The following HSPA14 variants were observed in gnomAD, a reference collection of about 807,000 sequenced individuals.
HSPA14 encodes heat shock 70 kDa protein 14.
Under a neutral mutation model 65.5 loss-of-function variants are expected in HSPA14, and 37 were observed. That is an observed-to-expected ratio of 0.56 (90% CI 0.43 to 0.74). HSPA14 has a LOEUF of 0.74. Among genes scored for constraint, HSPA14 ranks in the 30% least tolerant of loss-of-function variants. HSPA14 has a pLI of 0.00. For missense variants in HSPA14, 564 were observed against 607.6 expected (o/e 0.93, Z 0.75); for synonymous variants, 203 against 214.2 (o/e 0.95, Z 0.46).
Position 14,841,466 on chromosome 10 carries a change from A to G in HSPA14, c.221+1309A>G, listed in dbSNP as rs577802634. Among the ~76,000 whole-genome samples, 5 of 152,298 alleles carry G rather than the reference A, an allele frequency of 3.3e-5. No homozygotes were observed. The South Asian group carries it at 6.2e-4, about 19-fold the overall frequency. ...GAAATAATACAGAGACATCAAACAC[A>G]TTGCTGGATTCACCACCTCTCCCCG... On this transcript the variant is annotated intron_variant, in intron 3 of 13. Transcript: ENST00000378372.
intron 10 of HSPA14, among the ~76,000 whole-genome samples, chr10:14,863,791 G>A (rs969361870): frequency 6.6e-6 from 1 of 152,034 alleles, no homozygotes; most frequent in African/African-American, 2.4e-5. Context: ...TTTGACTCAG[G>A]TGCTTGAACT....
chr10:14,851,374 A>G (rs1834107741), intron 7 of HSPA14, 51 bp downstream of exon 7: 2 of 937,814 alleles, frequency 2.1e-6, no homozygotes, highest in East Asian at 2.4e-5. Flanking sequence ...AAAACATTTT[A>G]GATTATAGAG....
chr10:14,860,886 A>T (rs1289259551), intron 10 of HSPA14, among the ~76,000 whole-genome samples: 1 of 152,130 alleles, frequency 6.6e-6, no homozygotes, highest in African/African-American at 2.4e-5. Context: ...TACAGAAGAG[A>T]TCCCAGGATG....
chr10:14,843,339 T>C (rs1337088676), intron 3 of HSPA14: 1 of 1,550,092 alleles, frequency 6.5e-7, no homozygotes, highest in Non-Finnish European at 8.7e-7. Flanking sequence ...GCAGGAATGT[T>C]CTCTTTGCAA....
In HSPA14 at chr10:14,842,104, T is replaced by C. The variant is rs1833980782; in HGVS notation, c.221+1947T>C. 4 of 1,486,380 alleles carry C rather than the reference T, an allele frequency of 2.7e-6. No homozygotes were observed. In the South Asian group the frequency reaches 4.9e-5, roughly 18 times the overall value. 92.1% of individuals were successfully genotyped at this position (1,486,380 alleles called of 1,614,324 possible). A position where few individuals can be genotyped will look rare whatever the true frequency, so the allele number is the denominator to read the frequency against. ...GCCAAAATTATCCTTACACCCTTCC[T>C]GTAACTCTCATTCCCCTGTGGCCTT... On this transcript the variant is annotated intron_variant, in intron 3 of 13. Coordinates refer to ENST00000378372, the MANE Select transcript of HSPA14 (RefSeq NM_016299.4). This position sits in a 1 kb window ranked among gnomAD's most constrained non-coding sequence, Gnocchi z 5.2.
At position 14,842,333 on chromosome 10, in the gene HSPA14, A is replaced by G. The variant is rs947695249; in HGVS notation, c.221+2176A>G. The G allele has an allele frequency of 5.2e-6, 8 of 1,535,876 alleles. No individual in the cohort carries two copies. Among genetic ancestry groups the G allele is most frequent in the Non-Finnish European group, 7.0e-6 (8 of 1,146,890 alleles). On this transcript the variant is annotated intron_variant, in intron 3 of 13. Transcript: ENST00000378372. The surrounding 1 kb of genome is among the most constrained non-coding windows in gnomAD (Gnocchi z 5.2). ...GGGCATCCGGTGGTCCAGACAGGAG[A>G]CACGAACTCTTCTCTCCATACTAGG...
chr10:14,849,385 T>C, intron 5 of HSPA14: 1 of 496,632 alleles, frequency 2.0e-6, no homozygotes, highest in East Asian at 6.1e-5. Context: ...AGGCTTTAAA[T>C]GTAGAGAACT....
intron 6 of HSPA14, chr10:14,851,010 C>G: frequency 2.2e-6 from 1 of 445,460 alleles, no homozygotes; most frequent in East Asian, 4.1e-5. Flanking sequence ...AGAATATGGG[C>G]TCTGAACATT....
chr10:14,864,415 T>G (rs1195057766), intron 10 of HSPA14, among the ~76,000 whole-genome samples: 13 of 151,982 alleles, frequency 8.6e-5, no homozygotes, highest in Non-Finnish European at 1.6e-4. Context: ...ATGTGCCATG[T>G]TGGTGTGCTC....
At chr10:14,845,634 C>A in intron 3 of HSPA14, 1 of 747,994 alleles carries the variant, frequency 1.3e-6, no homozygotes, top group Non-Finnish European at 1.6e-6. Context: ...CACTGTTTTG[C>A]CCAGGCTGGG....
chr10:14,850,606 C>T (rs773557568), intron 6 of HSPA14: 1 of 152,190 alleles, frequency 6.6e-6, no homozygotes, highest in Non-Finnish European at 1.5e-5. Context: ...AGAGAATTGC[C>T]TTATGTACTT....
intron 7 of HSPA14, 29 bp from the exon 8 acceptor site, chr10:14,852,341 C>A: frequency 6.3e-7 from 1 of 1,589,112 alleles, no homozygotes; most frequent in South Asian, 1.1e-5. Context: ...ATGTTATTCC[C>A]TGATAACTTA....
At chr10:14,866,510 A>G (rs1476925417) in intron 10 of HSPA14, among the ~76,000 whole-genome samples, 1 of 152,230 alleles carries the variant, frequency 6.6e-6, no homozygotes, top group Non-Finnish European at 1.5e-5. Context: ...TAAGGGATTT[A>G]CAGTTTAAGG....
At chr10:14,847,229 CTT>C (rs201157303) in intron 3 of HSPA14, among the ~76,000 whole-genome samples, 2,440 of 152,260 alleles carry the variant, frequency 0.016, 27 homozygotes, top group Non-Finnish European at 0.025. Context: ...GGCAAATTCT[CTT>C]GTCTGGGTGG....
chr10:14,863,470 C>CA (rs1832774384), intron 10 of HSPA14, among the ~76,000 whole-genome samples: 1 of 152,174 alleles, frequency 6.6e-6, no homozygotes, highest in African/African-American at 2.4e-5. Context: ...TATGGGGAAT[C>CA]AGAGGCATAT....
intron 3 of HSPA14, among the ~76,000 whole-genome samples, chr10:14,847,275 T>C (rs1834067079): frequency 6.6e-6 from 1 of 152,248 alleles, no homozygotes; most frequent in Admixed American, 6.5e-5. Context: ...TAAATTGTTC[T>C]GGTTGACTTA....
intron 10 of HSPA14, among the ~76,000 whole-genome samples, chr10:14,861,130 G>A (rs1004069649): frequency 1.3e-5 from 2 of 152,168 alleles, no homozygotes; most frequent in Non-Finnish European, 2.9e-5. Flanking sequence ...GGAGATAAAT[G>A]CCTTACTGGA....
rs1254137697 is a variant in HSPA14, at chr10:14,867,912, G to A, written c.1380+3G>A. On this transcript the variant is annotated splice_donor_region_variant and intron_variant, in intron 12 of 13. Transcript: ENST00000378372. The stretch of plus-strand genomic sequence containing the variant: ...AAGAGGAAACCAAGTTTGCACAGGT[G>A]AATACATAAAGTTAGACACATTAAA... 12 of 1,610,820 alleles carry A rather than the reference G, an allele frequency of 7.4e-6. No homozygotes were observed. Among genetic ancestry groups the A allele is most frequent in the Non-Finnish European group, 1.0e-5 (12 of 1,178,756 alleles).
At chr10:14,857,261 A>G (rs555655719) in intron 10 of HSPA14, among the ~76,000 whole-genome samples, 2 of 152,342 alleles carry the variant, frequency 1.3e-5, no homozygotes, top group South Asian at 4.1e-4. Context: ...GACGTTTATC[A>G]TATTTAGGAT....
Sources: gnomAD v4.1 joint callset for allele counts (sites outside exome capture counted in the v4.1 genomes callset) on GRCh38, gnomAD v4.1.1 for gene constraint, Gnocchi (gnomAD v3.1) non-coding constraint, MANE v1.5 for transcripts, NCBI Gene and HGNC (gene_info 2026-07-23, HGNC 2026-07-21) for gene names.